The following CDH15 variants were observed in gnomAD, a reference collection of about 807,000 sequenced individuals.
The protein encoded by CDH15 is cadherin-15.
CDH15 carries 73 observed loss-of-function variants against 69.4 expected under a neutral mutation model. That is an observed-to-expected ratio of 1.05 (90% CI 0.87 to 1.28). CDH15 has a LOEUF of 1.28. CDH15 is among the 50% of genes most tolerant of loss of function. The pLI is 0.00. For missense variants in CDH15, 1,343 were observed against 1,133.6 expected (o/e 1.18, Z -2.65); for synonymous variants, 624 against 507.7 (o/e 1.23, Z -3.08).
intron 1 of CDH15, 123 bp from the exon 2 acceptor site, chr16:89,179,293 G>A (rs866848063): frequency 2.6e-5 from 30 of 1,149,586 alleles, no homozygotes; most frequent in Middle Eastern, 2.9e-4. Context: ...AATGGGCACC[G>A]ACCCGTGGGC....
intron 11 of CDH15, among the ~76,000 whole-genome samples, chr16:89,192,666 C>T (rs561164815): frequency 6.6e-5 from 4 of 60,432 alleles, no homozygotes; most frequent in African/African-American, 3.2e-4. Flanking sequence ...TCCGCCTCCT[C>T]CCTAACCCCG....
Position 89,179,716 on chromosome 16 carries a change from G to A in CDH15, c.201+142G>A, listed in dbSNP as rs1489637783. 4.7e-6 allele frequency: 4 copies of A among 845,398 alleles called. No individual in the cohort carries two copies. The East Asian group carries it at 1.1e-4, about 23-fold the overall frequency. 52.4% of individuals were successfully genotyped at this position (845,398 alleles called of 1,614,324 possible). A position where few individuals can be genotyped will look rare whatever the true frequency, so the allele number is the denominator to read the frequency against. ...AGGCAGGACTCGCCCACCTTGCCAG[G>A]GCTCTGGGCTTCCAACCTGGGTCTA... is the stretch of plus-strand genomic sequence containing the variant. On this transcript the variant is annotated intron_variant, in intron 2 of 13. Coordinates refer to ENST00000289746, the MANE Select transcript of CDH15 (RefSeq NM_004933.3).
chr16:89,172,990 C>A (rs529621689), intron 1 of CDH15, among the ~76,000 whole-genome samples: 4 of 152,252 alleles, frequency 2.6e-5, no homozygotes, highest in African/African-American at 9.6e-5. Flanking sequence ...CCCCTCATTC[C>A]CACAGGCCTC....
intron 7 of CDH15, among the ~76,000 whole-genome samples, chr16:89,188,815 C>T (rs1369267552): frequency 2.2e-5 from 2 of 89,832 alleles, no homozygotes; most frequent in East Asian, 8.0e-4. Flanking sequence ...CACATGCTGG[C>T]ACACAGATGC....
chr16:89,187,969 G>T (rs1915527009), intron 6 of CDH15, 131 bp from the exon 7 acceptor site: 2 of 830,566 alleles, frequency 2.4e-6, no homozygotes, highest in Non-Finnish European at 3.8e-6. Context: ...TTCGACAGGA[G>T]CAAGGGAGGG....
intron 8 of CDH15, among the ~76,000 whole-genome samples, chr16:89,191,057 G>A (rs1597311447): frequency 6.9e-6 from 1 of 145,198 alleles, no homozygotes; most frequent in East Asian, 2.2e-4. Context: ...AGGTGTGTGG[G>A]GGGTGGTATG....
chr16:89,193,765 A>G lies in CDH15; in HGVS notation c.2003A>G (p.Asp668Gly). 6.2e-7 allele frequency: 1 copy of G among 1,604,194 alleles called. No homozygotes were observed. Among genetic ancestry groups the G allele is most frequent in the Non-Finnish European group, 8.5e-7 (1 of 1,178,952 alleles). ...CCTCCTCGCCCACAGGACGCCTACGACATCAGCCAGCTGCGTCACCCGACA... is the reference window on the plus strand; with the variant it reads ...CCTCCTCGCCCACAGGACGCCTACGGCATCAGCCAGCTGCGTCACCCGACA... The part of the protein sequence containing the change: ...GGGEEDQDAY[D>G]ISQLRHPTAL... The change falls in exon 13 of 14, where the codon GAC becomes GGC. Residue 668 changes from aspartate (D) to glycine (G), a missense_variant. Asp to Gly is a moderately conservative substitution (Grantham distance 94, BLOSUM62 -1). Coordinates refer to ENST00000289746, the MANE Select transcript of CDH15 (RefSeq NM_004933.3).
chr16:89,191,586 C>G (rs886158408), intron 9 of CDH15, 69 bp from the exon 10 acceptor site: 3 of 1,570,090 alleles, frequency 1.9e-6, no homozygotes, highest in African/African-American at 1.4e-5. Flanking sequence ...GCTGCGCACC[C>G]GCTCTGAGCC....
rs762465869 is a variant in CDH15, at chr16:89,187,418, C to T, written c.664-11C>T. 7 of 1,612,340 alleles carry T rather than the reference C, an allele frequency of 4.3e-6. No homozygotes were observed. The highest frequency in any genetic ancestry group is 1.3e-5 in the African/African-American group (1 of 74,952). On this transcript the variant is annotated splice_polypyrimidine_tract_variant and intron_variant, in intron 5 of 13. Coordinates refer to ENST00000289746, the MANE Select transcript of CDH15 (RefSeq NM_004933.3). The stretch of plus-strand genomic sequence containing the variant: ...GCCCTCATCTTCTGACCCTGTGCCC[C>T]ACATCCCCAGGTGGTCGCGGTGTAC...
At chr16:89,181,050 A>C (rs546655060) in intron 3 of CDH15, among the ~76,000 whole-genome samples, 1 of 149,994 alleles carries the variant, frequency 6.7e-6, no homozygotes, top group East Asian at 2.0e-4. Context: ...GCTGACTGCA[A>C]TCTCTACCTC....
At chr16:89,182,307 C>CCATCTCCCAGCCTGT (rs1915398218) in intron 3 of CDH15, among the ~76,000 whole-genome samples, 1 of 140,882 alleles carries the variant, frequency 7.1e-6, no homozygotes, top group African/African-American at 2.7e-5. Context: ...TCCCAGCCTG[C>CCATCTCCCAGCCTGT]CCTCTCCCAG....
intron 1 of CDH15, among the ~76,000 whole-genome samples, chr16:89,175,113 C>T (rs1034757382): frequency 2.0e-5 from 3 of 152,122 alleles, no homozygotes; most frequent in Non-Finnish European, 4.4e-5. Context: ...CTGCTGTGAC[C>T]TGGTGAACTC....
chr16:89,188,989 A>T (rs1337494698), intron 7 of CDH15, among the ~76,000 whole-genome samples: 3 of 132,652 alleles, frequency 2.3e-5, no homozygotes, highest in Non-Finnish European at 4.7e-5. Flanking sequence ...CCACACACAG[A>T]CACCCACACA....
At chr16:89,177,002 G>C (rs540443975) in intron 1 of CDH15, among the ~76,000 whole-genome samples, 6 of 152,268 alleles carry the variant, frequency 3.9e-5, no homozygotes, top group African/African-American at 1.4e-4. Context: ...TGGTGCAGGA[G>C]GCTGCCCCGT....
At chr16:89,190,860 G>A (rs1267967450) in intron 8 of CDH15, among the ~76,000 whole-genome samples, 1 of 152,140 alleles carries the variant, frequency 6.6e-6, no homozygotes, top group Non-Finnish European at 1.5e-5. Context: ...CACCAACTGA[G>A]GCTTAACTAG....
chr16:89,173,556 C>G (rs1369829445), intron 1 of CDH15, among the ~76,000 whole-genome samples: 3 of 152,142 alleles, frequency 2.0e-5, no homozygotes, highest in Non-Finnish European at 4.4e-5. Context: ...ATCGCCAAGG[C>G]TCAAATTCAC....
In CDH15 at chr16:89,194,971, C is replaced by T. The variant is rs1353368149; in HGVS notation, c.2261C>T (p.Ser754Phe). The change falls in exon 14 of 14, where the codon TCC (serine) becomes TTC (phenylalanine). Residue 754 changes from serine (S) to phenylalanine (F), a missense_variant. Physicochemically the swap from Ser to Phe is radical, Grantham distance 155 (BLOSUM62 -2). Transcript: ENST00000289746. Reference protein sequence around the residue: ...SVAGTLSSILSSQGDEDQDYD... With the variant: ...SVAGTLSSILFSQGDEDQDYD... ...GCGGGGACGCTGAGCTCCATCCTGTCCAGCCAGGGCGATGAGGACCAGGAC... is the reference window on the plus strand; with the variant it reads ...GCGGGGACGCTGAGCTCCATCCTGTTCAGCCAGGGCGATGAGGACCAGGAC... 2 of 1,610,922 alleles carry T rather than the reference C, an allele frequency of 1.2e-6. No individual in the cohort carries two copies. Among genetic ancestry groups the T allele is most frequent in the East Asian group, 2.2e-5 (1 of 44,844 alleles).
chr16:89,179,347 T>C, intron 1 of CDH15, 69 bp from the exon 2 acceptor site: 1 of 1,584,764 alleles, frequency 6.3e-7, no homozygotes, highest in Admixed American at 1.7e-5. Flanking sequence ...CACCCACAGC[T>C]CCCAGCTGCA....
rs767311643 is a variant in CDH15, at chr16:89,191,414, G to A, written c.1317G>A (p.Pro439=). ...TCCAGACCCAGCACGTGCTCAGCCC[G>A]GCGTCCCCCTTCCTCAAGGGCGGCT... ...GRIQTQHVLS[P]ASPFLKGGWY... Residue 439 remains proline, a synonymous_variant, in exon 9 of 14, where the codon CCG becomes CCA. Transcript: ENST00000289746. 2.2e-5 allele frequency: 35 copies of A among 1,612,622 alleles called. 1 individual carries two copies. Among genetic ancestry groups the A allele is most frequent in the East Asian group, 6.7e-5 (3 of 44,890 alleles).
Sources: allele counts gnomAD v4.1 joint callset (sites outside exome capture counted in the v4.1 genomes callset), GRCh38; gene constraint gnomAD v4.1.1; transcripts MANE v1.5; gene names NCBI Gene and HGNC (gene_info 2026-07-23, HGNC 2026-07-21).